The following SCAI variants were observed in gnomAD, a reference collection of about 807,000 sequenced individuals.
SCAI encodes protein SCAI.
SCAI carries 24 observed loss-of-function variants against 92.2 expected under a neutral mutation model. That is an observed-to-expected ratio of 0.26 (90% CI 0.19 to 0.37). The LOEUF is 0.37. Ranked by LOEUF, SCAI falls within the 10% of genes least tolerant of loss-of-function variation. SCAI has a pLI of 1.00. For missense variants in SCAI, 450 were observed against 736.2 expected, an observed-to-expected ratio of 0.61 and a Z score of 4.50; for synonymous variants, 261 against 258.6, an observed-to-expected ratio of 1.01 and a Z score of -0.09.
At chr9:125,139,618 G>A (rs901342837) in intron 2 of SCAI, among the ~76,000 whole-genome samples, 1 of 152,140 alleles carries the variant, frequency 6.6e-6, no homozygotes, top group Admixed American at 6.5e-5. Flanking sequence ...AGTATTAACC[G>A]TGGCTGGGAA....
At chr9:124,965,476 C>T (rs1443118048) in intron 17 of SCAI, among the ~76,000 whole-genome samples, 2 of 152,168 alleles carry the variant, frequency 1.3e-5, no homozygotes, top group Non-Finnish European at 2.9e-5. Context: ...CTAAGGTGAT[C>T]CACCCTCTGT....
chr9:125,053,161 C>T (rs971111251), intron 3 of SCAI, among the ~76,000 whole-genome samples: 8 of 152,140 alleles, frequency 5.3e-5, no homozygotes, highest in African/African-American at 1.9e-4. Context: ...ATAGTGAAAC[C>T]TGTCTCTACC....
At chr9:125,062,221 G>C (rs1290615137) in intron 2 of SCAI, among the ~76,000 whole-genome samples, 2 of 151,484 alleles carry the variant, frequency 1.3e-5, no homozygotes, top group African/African-American at 4.9e-5. Context: ...TGCTTCCCAG[G>C]CTCAAGCCAT....
chr9:125,037,561 A>C (rs1302778553), intron 3 of SCAI, among the ~76,000 whole-genome samples: 1 of 152,198 alleles, frequency 6.6e-6, no homozygotes, highest in Non-Finnish European at 1.5e-5. Flanking sequence ...TTAAATAAGG[A>C]AATTGTATTT....
At chr9:124,961,865 C>T (rs1002876633) in intron 17 of SCAI, among the ~76,000 whole-genome samples, 1 of 149,226 alleles carries the variant, frequency 6.7e-6, no homozygotes, top group African/African-American at 2.5e-5. Flanking sequence ...AATAAATGTC[C>T]TTTGTGGCAG....
At chr9:125,061,228 C>T (rs1207242861) in intron 2 of SCAI, among the ~76,000 whole-genome samples, 2 of 152,056 alleles carry the variant, frequency 1.3e-5, no homozygotes. Context: ...ACCCAGGAGG[C>T]GGAGCTTGTA....
At chr9:125,106,096 C>CAAAAAAAAAA (rs1168643448) in intron 2 of SCAI, among the ~76,000 whole-genome samples, 1 of 18,780 alleles carries the variant, frequency 5.3e-5, no homozygotes, top group Non-Finnish European at 8.4e-5. Flanking sequence ...GACTCCATCT[C>CAAAAAAAAAA]AAAAAAAAAA....
intron 3 of SCAI, among the ~76,000 whole-genome samples, chr9:125,046,763 T>A (rs1833452998): frequency 6.6e-6 from 1 of 151,422 alleles, no homozygotes; most frequent in Admixed American, 6.6e-5. Context: ...CGATCCAGCT[T>A]CTACCAGCAA....
chr9:125,080,109 A>G (rs1834180004), intron 2 of SCAI, among the ~76,000 whole-genome samples: 2 of 152,156 alleles, frequency 1.3e-5, no homozygotes, highest in South Asian at 4.1e-4. Flanking sequence ...GGAAGGAGGA[A>G]GAAAAAGGCA....
At chr9:125,082,429 G>A (rs771543014) in intron 2 of SCAI, among the ~76,000 whole-genome samples, 1 of 152,234 alleles carries the variant, frequency 6.6e-6, no homozygotes, top group African/African-American at 2.4e-5. Flanking sequence ...GAAAGGAAAT[G>A]TGGGGTTGGA....
rs184684673 is a variant in SCAI at position 125,072,170 on chromosome 9, G to C, written c.99-16163C>G. ...TCCTGAGTCACTGGGACTACAGGCGGGCACCACCACGCCCAGCTAATTTTT... is the reference window on the plus strand; with the variant it reads ...TCCTGAGTCACTGGGACTACAGGCGCGCACCACCACGCCCAGCTAATTTTT... On this transcript the variant is annotated intron_variant, in intron 2 of 17. Transcript: ENST00000336505. 7.6e-4 allele frequency among the ~76,000 whole-genome samples: 115 copies of C among 152,064 alleles called. 2 individuals carry two copies. The East Asian group carries it at 0.021, about 27-fold the overall frequency.
intron 14 of SCAI, among the ~76,000 whole-genome samples, chr9:124,992,486 C>T (rs142594519): frequency 3.0e-4 from 46 of 151,516 alleles, no homozygotes; most frequent in Middle Eastern, 3.4e-3. Flanking sequence ...CGGGTTCAAG[C>T]GATTCTCCTG....
intron 2 of SCAI, among the ~76,000 whole-genome samples, chr9:125,106,910 T>G (rs1014833885): frequency 6.0e-5 from 9 of 149,188 alleles, no homozygotes; most frequent in African/African-American, 1.7e-4. Context: ...CATCAGAGTC[T>G]CATTATGTTG....
At chr9:124,987,778 A>G (rs1054370233) in intron 14 of SCAI, among the ~76,000 whole-genome samples, 15 of 152,192 alleles carry the variant, frequency 9.9e-5, no homozygotes, top group African/African-American at 3.6e-4. Flanking sequence ...CCTGGCCAAC[A>G]TGGGGAAACC....
chr9:125,089,855 A>G (rs1834396257), intron 2 of SCAI, among the ~76,000 whole-genome samples: 1 of 152,142 alleles, frequency 6.6e-6, no homozygotes, highest in East Asian at 1.9e-4. Flanking sequence ...CCGTCTTAGG[A>G]AGATAAAAAA....
rs1831206647 is a variant in SCAI, at chr9:124,949,891, A to G, written c.*2916T>C. The G allele has an allele frequency of 6.6e-6, 1 of 152,208 alleles. No homozygotes were observed. Among genetic ancestry groups the G allele is most frequent in the Admixed American group, 6.5e-5 (1 of 15,278 alleles). 9.4% of individuals were successfully genotyped at this position (152,208 alleles called of 1,614,324 possible). A position where few individuals can be genotyped will look rare whatever the true frequency, so the allele number is the denominator to read the frequency against. ...ATTTTTTTGAAGGCATCAATGAAACAATAACATTTTCCAGCACAGTTTTCC... is the reference window on the plus strand; with the variant it reads ...ATTTTTTTGAAGGCATCAATGAAACGATAACATTTTCCAGCACAGTTTTCC... On this transcript the variant is annotated 3_prime_UTR_variant, in exon 18 of 18. Transcript: ENST00000336505. The surrounding 1 kb of genome is among the most constrained non-coding windows in gnomAD (Gnocchi z 4.0).
rs890431527 is a variant in SCAI, at chr9:125,098,080, G to A, written c.99-42073C>T. On this transcript the variant is annotated intron_variant, in intron 2 of 17. Coordinates refer to ENST00000336505, the MANE Select transcript of SCAI (RefSeq NM_001144877.3). ...ATACACATATATATATATGAGACAG[G>A]GTCTCACTCTGTTGCCCAGGCTAGG... is the stretch of plus-strand genomic sequence containing the variant. Among the ~76,000 whole-genome samples the A allele has an allele frequency of 6.0e-5, 9 of 150,276 alleles. No individual in the cohort carries two copies. The East Asian group carries it at 1.8e-3, about 29-fold the overall frequency.
At chr9:125,110,571 T>C (rs576967495) in intron 2 of SCAI, among the ~76,000 whole-genome samples, 1 of 152,268 alleles carries the variant, frequency 6.6e-6, no homozygotes, top group Admixed American at 6.5e-5. Context: ...TAGTTCCTCA[T>C]GATTTCAATT....
At chr9:124,968,735 C>A in intron 17 of SCAI, 1 of 1,336,564 alleles carries the variant, frequency 7.5e-7, no homozygotes, top group Non-Finnish European at 1.1e-6. Context: ...CATTCCGAAT[C>A]TGGTTGAGGC....
Sources: gnomAD v4.1 joint callset for allele counts (sites outside exome capture counted in the v4.1 genomes callset) on GRCh38, gnomAD v4.1.1 for gene constraint, Gnocchi (gnomAD v3.1) non-coding constraint, MANE v1.5 for transcripts, NCBI Gene and HGNC (gene_info 2026-07-23, HGNC 2026-07-21) for gene names.